MMEL1: variants seen among roughly 807,000 people sequenced by gnomAD.
The protein encoded by MMEL1 is membrane metalloendopeptidase like 1.
In MMEL1, 98 loss-of-function variants were observed where a neutral mutation model predicts 117.1. The observed-to-expected ratio is 0.84, with a 90% CI of 0.71 to 0.99. The LOEUF is 0.99. Among genes scored for constraint, MMEL1 ranks in the 50% least tolerant of loss-of-function variants. MMEL1 has a pLI of 0.00. For synonymous variants in MMEL1, 390 were observed against 415.1 expected (o/e 0.94, Z 0.74); for missense variants, 1,014 against 1,049.1 (o/e 0.97, Z 0.46).
At chr1:2,623,220 G>C (rs1418857366) in intron 2 of MMEL1, among the ~76,000 whole-genome samples, 1 of 151,994 alleles carries the variant, frequency 6.6e-6, no homozygotes, top group Non-Finnish European at 1.5e-5. Flanking sequence ...AGGGTGGGTA[G>C]TGGTGCGAAG....
At chr1:2,609,649 C>A (rs768620849) in intron 5 of MMEL1, 21 bp downstream of exon 5, 2 of 1,595,340 alleles carry the variant, frequency 1.3e-6, no homozygotes, top group Admixed American at 3.4e-5. Context: ...CCCCACTGCA[C>A]CCCCGGCCGT....
chr1:2,605,446 C>T, intron 9 of MMEL1, 112 bp downstream of exon 9: 1 of 906,260 alleles, frequency 1.1e-6, no homozygotes, highest in Non-Finnish European at 1.8e-6. Context: ...TCCACAGGTG[C>T]TCACTAACAC....
chr1:2,623,839 C>A (rs972683954), intron 2 of MMEL1, among the ~76,000 whole-genome samples: 1 of 152,174 alleles, frequency 6.6e-6, no homozygotes, highest in African/African-American at 2.4e-5. Context: ...AAGCTTTAAA[C>A]CACTGAGGCA....
intron 6 of MMEL1, among the ~76,000 whole-genome samples, chr1:2,608,346 C>T (rs544527364): frequency 3.9e-5 from 6 of 152,118 alleles, no homozygotes; most frequent in African/African-American, 7.2e-5. Context: ...AGGAGTTAAA[C>T]GGTGCTGGGC....
At chr1:2,597,275 C>G (rs548853564) in intron 13 of MMEL1, among the ~76,000 whole-genome samples, 2 of 152,160 alleles carry the variant, frequency 1.3e-5, no homozygotes, top group South Asian at 4.1e-4. Flanking sequence ...TCTTCCTCCC[C>G]AAAGCTCCTA....
intron 4 of MMEL1, 88 bp downstream of exon 4, chr1:2,611,193 C>T: frequency 1.5e-6 from 2 of 1,361,436 alleles, no homozygotes; most frequent in Non-Finnish European, 1.0e-6. Flanking sequence ...GAGTTGCTTC[C>T]CTGGGCCTTG....
chr1:2,603,776 G>A, intron 11 of MMEL1, 108 bp downstream of exon 11: 1 of 988,338 alleles, frequency 1.0e-6, no homozygotes, highest in Non-Finnish European at 1.5e-6. Flanking sequence ...GATGGGGAAT[G>A]TTTCTGAGCT....
At chr1:2,619,554 A>G (rs951750337) in intron 2 of MMEL1, among the ~76,000 whole-genome samples, 1 of 151,392 alleles carries the variant, frequency 6.6e-6, no homozygotes, top group African/African-American at 2.4e-5. Context: ...GCTTCTCAGG[A>G]GGCTGAGGCA....
chr1:2,628,200 G>C (rs1193049711), intron 2 of MMEL1, among the ~76,000 whole-genome samples: 1 of 152,226 alleles, frequency 6.6e-6, no homozygotes, highest in Non-Finnish European at 1.5e-5. Flanking sequence ...GGAGGTCGCA[G>C]GACCCCTCTG....
Position 2,611,319 on chromosome 1 carries a change from A to AC in MMEL1, c.253dup (p.Val85GlyfsTer29), listed in dbSNP as rs1394475315. 6.4e-7 allele frequency: 1 copy of AC among 1,555,056 alleles called. No individual in the cohort carries two copies. The highest frequency in any genetic ancestry group is 1.4e-5 in the African/African-American group (1 of 71,950). On this transcript the variant is annotated frameshift_variant, in exon 4 of 24. Coordinates refer to ENST00000378412, the MANE Select transcript of MMEL1 (RefSeq NM_033467.4). LOFTEE classifies it high-confidence loss of function. The stretch of plus-strand genomic sequence containing the variant: ...GCCAGGGGTGGTGCAGACCTCGCTC[A>AC]CCTCTTGGGCCTCTGGGATCCCTGC...
At chr1:2,611,539 T>TGGGGG in intron 3 of MMEL1, 199 bp from the exon 4 acceptor site, 1 of 505,360 alleles carries the variant, frequency 2.0e-6, no homozygotes, top group Non-Finnish European at 3.5e-6. Flanking sequence ...CATAGTCTGG[T>TGGGGG]GGGGGTGGGG....
intron 6 of MMEL1, 39 bp from the exon 7 acceptor site, chr1:2,607,108 G>C (rs1645041481): frequency 1.9e-6 from 3 of 1,559,152 alleles, no homozygotes; most frequent in African/African-American, 1.4e-5. Context: ...CAGCCTCCCT[G>C]TGGCTCACGT....
intron 4 of MMEL1, among the ~76,000 whole-genome samples, 167 bp from the exon 5 acceptor site, chr1:2,609,998 C>T (rs1645101771): frequency 6.6e-6 from 1 of 152,168 alleles, no homozygotes; most frequent in Non-Finnish European, 1.5e-5. Flanking sequence ...CCTCTCTGAG[C>T]TGCAGAGAGG....
chr1:2,590,973 G>A lies in MMEL1; in HGVS notation c.*17C>T. Reference sequence around the variant, plus strand: ...GCAGCGGGTGGGCGTGGGCCGCACAGCGCGGCAGGGCCTTGGCTACCACAC... The same window carrying A: ...GCAGCGGGTGGGCGTGGGCCGCACAACGCGGCAGGGCCTTGGCTACCACAC... On this transcript the variant is annotated 3_prime_UTR_variant, in exon 24 of 24. Coordinates refer to ENST00000378412, the MANE Select transcript of MMEL1 (RefSeq NM_033467.4). 1.3e-6 allele frequency: 2 copies of A among 1,548,110 alleles called. No homozygotes were observed. The highest frequency in any genetic ancestry group is 1.7e-6 in the Non-Finnish European group (2 of 1,147,100).
chr1:2,599,839 A>G (rs1644903281), intron 11 of MMEL1, among the ~76,000 whole-genome samples: 2 of 146,468 alleles, frequency 1.4e-5, no homozygotes, highest in Non-Finnish European at 1.5e-5. Flanking sequence ...CCTGGGCAAC[A>G]GAGCAAGACT....
intron 19 of MMEL1, among the ~76,000 whole-genome samples, chr1:2,593,456 G>C (rs12564460): frequency 0.16 from 24,287 of 152,240 alleles, 2,551 homozygotes; most frequent in South Asian, 0.38. Context: ...CCCCCCGGTG[G>C]AGGATGCTGG....
At chr1:2,593,962 G>A (rs1570648047) in intron 18 of MMEL1, 29 bp from the exon 19 acceptor site, 2 of 1,568,384 alleles carry the variant, frequency 1.3e-6, no homozygotes, top group Non-Finnish European at 1.7e-6. Context: ...CAAAGAATAA[G>A]CTGTGAGTGG....
intron 9 of MMEL1, 70 bp from the exon 10 acceptor site, chr1:2,604,351 G>T: frequency 6.3e-7 from 1 of 1,583,256 alleles, no homozygotes; most frequent in Non-Finnish European, 8.6e-7. Flanking sequence ...TTTTCTGTGG[G>T]GGTGGGGTGG....
At chr1:2,604,025 G>T (rs769306589) in intron 10 of MMEL1, 52 bp from the exon 11 acceptor site, 1 of 1,590,848 alleles carries the variant, frequency 6.3e-7, no homozygotes, top group Admixed American at 1.7e-5. Context: ...GCCCCCTGGG[G>T]CTCCTGGCCC....
Sources: gnomAD v4.1 joint callset for allele counts (sites outside exome capture counted in the v4.1 genomes callset) on GRCh38, gnomAD v4.1.1 for gene constraint, MANE v1.5 for transcripts, NCBI Gene and HGNC (gene_info 2026-07-23, HGNC 2026-07-21) for gene names.